Variants in GALNTL6 observed in about 807,000 individuals in gnomAD.
The protein encoded by GALNTL6 is polypeptide N-acetylgalactosaminyltransferase like 6, also known as polypeptide N-acetylgalactosaminyltransferase-like 6.
Under a neutral mutation model 73.7 loss-of-function variants are expected in GALNTL6, and 46 were observed. That is an observed-to-expected ratio of 0.62 (90% CI 0.49 to 0.80). The LOEUF (loss-of-function observed/expected upper bound fraction) is 0.80, where lower values mean the gene tolerates loss of function less well. Among genes scored for constraint, GALNTL6 ranks in the 30% least tolerant of loss-of-function variants. The pLI is 0.00. For synonymous variants in GALNTL6, 259 were observed against 263.7 expected (o/e 0.98, Z 0.17); for missense variants, 604 against 755.0 (o/e 0.80, Z 2.34).
intron 5 of GALNTL6, among the ~76,000 whole-genome samples, chr4:172,796,285 G>A (rs996470815): frequency 2.6e-5 from 4 of 152,212 alleles, no homozygotes; most frequent in South Asian, 2.1e-4. Context: ...AGTCACTGGC[G>A]TTTATTGAGT....
intron 2 of GALNTL6, among the ~76,000 whole-genome samples, chr4:172,012,170 C>T (rs1335158478): frequency 2.6e-5 from 4 of 152,094 alleles, no homozygotes; most frequent in Non-Finnish European, 4.4e-5. Flanking sequence ...CAAAGCCCAC[C>T]GTAGGGACTT....
intron 2 of GALNTL6, among the ~76,000 whole-genome samples, chr4:172,226,656 C>T (rs888968044): frequency 6.7e-6 from 1 of 149,914 alleles, no homozygotes; most frequent in African/African-American, 2.5e-5. Context: ...AGCTTCTCTC[C>T]TTTCCCTTAT....
At chr4:172,205,485 C>T (rs371226675) in intron 2 of GALNTL6, among the ~76,000 whole-genome samples, 1 of 152,176 alleles carries the variant, frequency 6.6e-6, no homozygotes, top group East Asian at 1.9e-4. Context: ...CCGGACCACA[C>T]AGTCTTTGAA....
intron 2 of GALNTL6, among the ~76,000 whole-genome samples, chr4:172,076,922 T>G (rs1446850853): frequency 6.6e-6 from 1 of 152,220 alleles, no homozygotes; most frequent in Non-Finnish European, 1.5e-5. Context: ...GGCAAATTGC[T>G]ATTCTCATGA....
intron 5 of GALNTL6, among the ~76,000 whole-genome samples, chr4:172,595,494 C>T (rs1737817398): frequency 6.6e-6 from 1 of 152,106 alleles, no homozygotes; most frequent in Non-Finnish European, 1.5e-5. Context: ...TTTACTTAAA[C>T]ACTTTCCACC....
chr4:172,837,770 G>T (rs1055741289), intron 7 of GALNTL6, among the ~76,000 whole-genome samples: 2 of 152,188 alleles, frequency 1.3e-5, no homozygotes, highest in Non-Finnish European at 2.9e-5. Context: ...GATGGCCAGA[G>T]AAATATAGAT....
intron 2 of GALNTL6, among the ~76,000 whole-genome samples, chr4:171,874,085 T>G (rs1404474314): frequency 6.6e-6 from 1 of 152,218 alleles, no homozygotes; most frequent in Non-Finnish European, 1.5e-5. Flanking sequence ...ACTTCCTCCT[T>G]TTGCACTGAT....
chr4:171,814,977 G>A (rs1207244771), intron 2 of GALNTL6: 3 of 541,606 alleles, frequency 5.5e-6, no homozygotes, highest in South Asian at 6.1e-5. Flanking sequence ...TTCACCATTG[G>A]TCTTAGGTTG....
At chr4:172,420,062 A>G (rs1446280254) in intron 5 of GALNTL6, among the ~76,000 whole-genome samples, 2 of 152,204 alleles carry the variant, frequency 1.3e-5, no homozygotes, top group African/African-American at 2.4e-5. Flanking sequence ...TTATGTGCTT[A>G]TTTATGGAAG....
intron 5 of GALNTL6, among the ~76,000 whole-genome samples, chr4:172,486,653 G>T (rs1449365751): frequency 6.6e-6 from 1 of 152,050 alleles, no homozygotes; most frequent in African/African-American, 2.4e-5. Context: ...ATTTCTTTTG[G>T]AATCTGCTAG....
In GALNTL6 at chr4:172,402,312, C is replaced by T. The variant is rs183249841; in HGVS notation, c.553+53623C>T. 6.3e-3 allele frequency among the ~76,000 whole-genome samples: 954 copies of T among 152,112 alleles called. 8 individuals are homozygous for T. The highest frequency in any genetic ancestry group is 0.037 in the South Asian group (177 of 4,828). ...ATGTTCTTGAAATTGAATCTATGTT[C>T]AACTGGTAGGCTCAGCATTCTCTAC... On this transcript the variant is annotated intron_variant, in intron 5 of 12. Transcript: ENST00000506823.
chr4:171,838,633 T>C (rs1325473857), intron 2 of GALNTL6, among the ~76,000 whole-genome samples: 1 of 152,098 alleles, frequency 6.6e-6, no homozygotes, highest in Non-Finnish European at 1.5e-5. Flanking sequence ...AAAATATGAG[T>C]TTCTAACATT....
chr4:172,168,849 T>C (rs28691079), intron 2 of GALNTL6, among the ~76,000 whole-genome samples: 10,510 of 152,246 alleles, frequency 0.069, 639 homozygotes, highest in African/African-American at 0.16. Context: ...TGTCATGTAA[T>C]TTTTGTGATG....
At chr4:172,206,942 C>T (rs899344631) in intron 2 of GALNTL6, among the ~76,000 whole-genome samples, 1 of 150,902 alleles carries the variant, frequency 6.6e-6, no homozygotes, top group Non-Finnish European at 1.5e-5. Flanking sequence ...CTCAGCCTCC[C>T]GAGTAGCTGG....
intron 8 of GALNTL6, among the ~76,000 whole-genome samples, chr4:172,899,749 A>G (rs1746523374): frequency 6.6e-6 from 1 of 152,190 alleles, no homozygotes; most frequent in South Asian, 2.1e-4. Flanking sequence ...AGCAGCCCCA[A>G]GGTCTGCTGG....
At chr4:172,135,930 T>C (rs984042431) in intron 2 of GALNTL6, among the ~76,000 whole-genome samples, 4 of 152,158 alleles carry the variant, frequency 2.6e-5, no homozygotes, top group Non-Finnish European at 5.9e-5. Flanking sequence ...TGTTTCTCTT[T>C]AAAAATTTTT....
chr4:172,617,579 C>T (rs1579248354), intron 5 of GALNTL6, among the ~76,000 whole-genome samples: 2 of 152,064 alleles, frequency 1.3e-5, no homozygotes, highest in African/African-American at 4.8e-5. Context: ...TGGGTTCACG[C>T]CATTCTCCTG....
At chr4:172,864,832 T>C (rs1054814376) in intron 7 of GALNTL6, among the ~76,000 whole-genome samples, 2 of 152,248 alleles carry the variant, frequency 1.3e-5, no homozygotes, top group Non-Finnish European at 2.9e-5. Flanking sequence ...TTACTATGTT[T>C]GTATATATGC....
intron 5 of GALNTL6, among the ~76,000 whole-genome samples, chr4:172,568,436 A>C: frequency 6.6e-6 from 1 of 152,252 alleles, no homozygotes; most frequent in African/African-American, 2.4e-5. Flanking sequence ...TCTCACTCTA[A>C]GGTCTCTTTT....
Sources: gnomAD v4.1 joint callset for allele counts (sites outside exome capture counted in the v4.1 genomes callset) on GRCh38, gnomAD v4.1.1 for gene constraint, MANE v1.5 for transcripts, NCBI Gene and HGNC (gene_info 2026-07-23, HGNC 2026-07-21) for gene names.